The following MAGOHB variants were observed in gnomAD, a reference collection of about 807,000 sequenced individuals.
The protein encoded by MAGOHB is mago homolog B, exon junction complex subunit.
MAGOHB carries 15 observed loss-of-function variants against 20.9 expected under a neutral mutation model. The observed-to-expected ratio is 0.72, with a 90% CI of 0.48 to 1.11. The LOEUF is 1.11. Ranked by LOEUF, MAGOHB falls within the 50% of genes least tolerant of loss-of-function variation. The pLI is 0.00. For synonymous variants in MAGOHB, 50 were observed against 57.9 expected, an observed-to-expected ratio of 0.86 and a Z score of 0.62; for missense variants, 162 against 177.6, an observed-to-expected ratio of 0.91 and a Z score of 0.50.
At chr12:10,609,534 G>GTGAT (rs1475889531) in intron 3 of MAGOHB, 4 of 410,930 alleles carry the variant, frequency 9.7e-6, no homozygotes, top group African/African-American at 4.1e-5. Flanking sequence ...CTTAATAAAA[G>GTGAT]TGATTAACAC....
chr12:10,611,624 T>C (rs1865738926), intron 1 of MAGOHB, among the ~76,000 whole-genome samples: 1 of 151,602 alleles, frequency 6.6e-6, no homozygotes, highest in African/African-American at 2.4e-5. Flanking sequence ...GGCCCATGCC[T>C]GCAATCCCAG....
intron 4 of MAGOHB, among the ~76,000 whole-genome samples, chr12:10,607,269 C>A (rs1057149127): frequency 6.6e-6 from 1 of 152,078 alleles, no homozygotes; most frequent in African/African-American, 2.4e-5. Context: ...GTAAAGCAGA[C>A]AAATAGGTTA....
chr12:10,612,580 T>A lies in MAGOHB; in HGVS notation c.94+859A>T, dbSNP rs559373975. On this transcript the variant is annotated intron_variant, in intron 1 of 4. Transcript: ENST00000320756. ...ATGCATACTGCTTTATAGTTAAATG[T>A]CTGTGCCTCCCACCAAGACAAATCT... 43 of 804,232 alleles carry A rather than the reference T, an allele frequency of 5.3e-5. No homozygotes were observed. In the African/African-American group the frequency reaches 7.0e-4, roughly 13 times the overall value. The allele number at this position is 804,232 out of a possible 1,614,324, so 49.8% of individuals were successfully genotyped here.
chr12:10,610,412 C>T (rs1294734353), intron 2 of MAGOHB, among the ~76,000 whole-genome samples: 1 of 152,078 alleles, frequency 6.6e-6, no homozygotes, highest in Admixed American at 6.6e-5. Flanking sequence ...AAGTGTAGTT[C>T]ACGTCAAGGT....
chr12:10,608,692 C>T (rs1240748781), intron 3 of MAGOHB: 1 of 151,366 alleles, frequency 6.6e-6, no homozygotes, highest in Non-Finnish European at 1.5e-5. Context: ...ATCTGCAGGC[C>T]TAAAACCAAT....
chr12:10,601,347 T>C (rs1865553387), downstream of MAGOHB, among the ~76,000 whole-genome samples: 1 of 152,196 alleles, frequency 6.6e-6, no homozygotes, highest in African/African-American at 2.4e-5. Flanking sequence ...TTGACTTGCA[T>C]AAGGAAACAT....
chr12:10,607,062 G>A (rs984706485), intron 4 of MAGOHB, among the ~76,000 whole-genome samples: 18 of 152,174 alleles, frequency 1.2e-4, no homozygotes, highest in Admixed American at 7.9e-4. Flanking sequence ...CTTACCAAAT[G>A]TAGGAAAAGA....
At chr12:10,612,865 C>T in intron 1 of MAGOHB, 1 of 1,289,092 alleles carries the variant, frequency 7.8e-7, no homozygotes, top group Non-Finnish European at 1.0e-6. Flanking sequence ...CTCTCAAAGG[C>T]CAAGTCTCTC....
chr12:10,606,371 A>T lies in MAGOHB; in HGVS notation c.351T>A (p.Asp117Glu), dbSNP rs747717197. The T allele has an allele frequency of 7.8e-6, 12 of 1,541,420 alleles. No individual in the cohort carries two copies. In the Admixed American group the frequency reaches 1.4e-4, roughly 18 times the overall value. Residue 117 changes from aspartate to glutamate, a missense_variant, in exon 5 of 5, where the codon GAT (aspartate) becomes GAA (glutamate). By Grantham distance (45) the Asp-to-Glu change is conservative (BLOSUM62 2). Transcript: ENST00000320756. ...AGTAAAATACTCGAAGGCCTTCAGG[A>T]TCCCTAAAATTTAAAAAGGTAAAAG... ...GSLIDVNQSK[D>E]PEGLRVFYYL...
chr12:10,603,740 G>A (rs1865578391), downstream of MAGOHB, among the ~76,000 whole-genome samples: 1 of 152,134 alleles, frequency 6.6e-6, no homozygotes, highest in Admixed American at 6.5e-5. Flanking sequence ...GTCAGCCAAG[G>A]CAGATTCTGA....
downstream of MAGOHB, among the ~76,000 whole-genome samples, chr12:10,603,141 C>G (rs1455727863): frequency 2.6e-5 from 4 of 151,178 alleles, no homozygotes; most frequent in African/African-American, 7.3e-5. Context: ...GAAACTCCAT[C>G]TCTACTAAAA....
intron 3 of MAGOHB, chr12:10,609,466 G>C (rs1372405358): frequency 2.6e-6 from 1 of 391,862 alleles, no homozygotes; most frequent in African/African-American, 2.1e-5. Context: ...GTATAGGGAT[G>C]CAAGTAAGAA....
chr12:10,610,768 T>C, intron 1 of MAGOHB, 88 bp from the exon 2 acceptor site: 1 of 1,155,428 alleles, frequency 8.7e-7, no homozygotes, highest in South Asian at 1.6e-5. Context: ...TAAAGACCAT[T>C]TTATACTACT....
downstream of MAGOHB, chr12:10,599,574 G>A (rs1865535189): frequency 6.6e-6 from 1 of 152,222 alleles, no homozygotes; most frequent in Non-Finnish European, 1.5e-5. Flanking sequence ...TTCAAAATGA[G>A]GGAGAAGCTG....
At chr12:10,612,185 C>CA (rs758237538) in intron 1 of MAGOHB, among the ~76,000 whole-genome samples, 136 of 141,826 alleles carry the variant, frequency 9.6e-4, no homozygotes, top group African/African-American at 3.3e-3. Flanking sequence ...CCCATCTCTA[C>CA]AAAAAATAAC....
intron 4 of MAGOHB, among the ~76,000 whole-genome samples, chr12:10,607,317 TG>T (rs1051281933): frequency 4.6e-5 from 7 of 152,084 alleles, no homozygotes; most frequent in African/African-American, 1.7e-4. Context: ...AAGAGCACTA[TG>T]GGGACACTTT....
chr12:10,612,852 T>C, intron 1 of MAGOHB: 1 of 1,289,172 alleles, frequency 7.8e-7, no homozygotes, highest in Non-Finnish European at 1.0e-6. Context: ...AGTCTGTTTT[T>C]TTCTCTCAAA....
intron 2 of MAGOHB, among the ~76,000 whole-genome samples, chr12:10,610,155 C>T (rs1865697325): frequency 6.6e-6 from 1 of 152,162 alleles, no homozygotes; most frequent in South Asian, 2.1e-4. Context: ...TCCCTCTTCT[C>T]ATCATTACCT....
At chr12:10,603,476 C>A (rs1227613714), downstream of MAGOHB, among the ~76,000 whole-genome samples, 1 of 152,022 alleles carries the variant, frequency 6.6e-6, no homozygotes, top group African/African-American at 2.4e-5. Context: ...AGCAACCATC[C>A]TTCCTCTTAT....
Sources: gnomAD v4.1 joint callset for allele counts (sites outside exome capture counted in the v4.1 genomes callset) on GRCh38, gnomAD v4.1.1 for gene constraint, MANE v1.5 for transcripts, NCBI Gene and HGNC (gene_info 2026-07-23, HGNC 2026-07-21) for gene names.